Variants in HMBOX1 observed in about 807,000 individuals in gnomAD.
The protein encoded by HMBOX1 is homeobox containing 1.
HMBOX1 carries 14 observed loss-of-function variants against 54.5 expected under a neutral mutation model. That is an observed-to-expected ratio of 0.26 (90% CI 0.17 to 0.40). HMBOX1 has a LOEUF of 0.40. Ranked by LOEUF, HMBOX1 falls within the 10% of genes least tolerant of loss-of-function variation. The pLI is 1.00. For synonymous variants in HMBOX1, 160 were observed against 181.0 expected, an observed-to-expected ratio of 0.88 and a Z score of 0.93; for missense variants, 332 against 514.4, an observed-to-expected ratio of 0.65 and a Z score of 3.43.
At chr8:29,039,063 C>A (rs1400371174) in intron 6 of HMBOX1, among the ~76,000 whole-genome samples, 2 of 152,136 alleles carry the variant, frequency 1.3e-5, no homozygotes, top group African/African-American at 4.8e-5. Context: ...GCTCTTTCTT[C>A]AAGACCCTGC....
chr8:29,004,159 A>T (rs1419681327), intron 4 of HMBOX1, among the ~76,000 whole-genome samples: 1 of 152,242 alleles, frequency 6.6e-6, no homozygotes, highest in South Asian at 2.1e-4. Flanking sequence ...GACTGTGTTG[A>T]GGACCTGTGG....
intron 1 of HMBOX1, among the ~76,000 whole-genome samples, chr8:28,934,585 T>C (rs780898982): frequency 6.6e-6 from 1 of 152,170 alleles, no homozygotes; most frequent in Non-Finnish European, 1.5e-5. Flanking sequence ...TAAAAACTCT[T>C]AGAATTATTA....
chr8:29,006,450 A>G (rs1053653212), intron 4 of HMBOX1, among the ~76,000 whole-genome samples: 2 of 152,166 alleles, frequency 1.3e-5, no homozygotes, highest in Non-Finnish European at 2.9e-5. Context: ...TAGGTCATAG[A>G]GTATATGTAT....
intron 4 of HMBOX1, among the ~76,000 whole-genome samples, chr8:28,981,817 A>T (rs1829381551): frequency 6.6e-6 from 1 of 152,242 alleles, no homozygotes; most frequent in African/African-American, 2.4e-5. Context: ...AACATGATAC[A>T]TTAAATATAG....
At chr8:29,047,733 A>G (rs922226743) in intron 8 of HMBOX1, among the ~76,000 whole-genome samples, 2 of 151,784 alleles carry the variant, frequency 1.3e-5, no homozygotes, top group Non-Finnish European at 2.9e-5. Context: ...ACACCTGGCT[A>G]ATTTTGTATT....
At chr8:28,899,685 T>C (rs1204907402) in intron 1 of HMBOX1, among the ~76,000 whole-genome samples, 2 of 152,230 alleles carry the variant, frequency 1.3e-5, no homozygotes, top group East Asian at 3.8e-4. Flanking sequence ...GAGCTTTTTA[T>C]TCCTATGTCA....
intron 6 of HMBOX1, among the ~76,000 whole-genome samples, chr8:29,042,300 G>C (rs1804951561): frequency 6.6e-6 from 1 of 152,184 alleles, no homozygotes; most frequent in East Asian, 1.9e-4. Context: ...ACCTTGAAGA[G>C]GAGGAGAATG....
intron 6 of HMBOX1, among the ~76,000 whole-genome samples, chr8:29,023,287 A>G (rs1204254601): frequency 6.6e-6 from 1 of 152,230 alleles, no homozygotes; most frequent in Non-Finnish European, 1.5e-5. Flanking sequence ...CTTGATTTAA[A>G]AAAAACAGCC....
chr8:28,976,038 G>T (rs1828297892), intron 3 of HMBOX1, among the ~76,000 whole-genome samples: 1 of 152,114 alleles, frequency 6.6e-6, no homozygotes, highest in Non-Finnish European at 1.5e-5. Flanking sequence ...ATACTTAAGA[G>T]AATTGGACAC....
intron 1 of HMBOX1, among the ~76,000 whole-genome samples, chr8:28,894,128 C>G (rs1412993029): frequency 6.6e-6 from 1 of 152,156 alleles, no homozygotes; most frequent in Non-Finnish European, 1.5e-5. Context: ...AATTTTGTAG[C>G]TCACTTTGCT....
chr8:29,049,171 C>A, intron 9 of HMBOX1, 123 bp downstream of exon 9: 1 of 1,489,380 alleles, frequency 6.7e-7, no homozygotes, highest in Non-Finnish European at 9.2e-7. Context: ...TCCCTCCACT[C>A]TGCTCCTGTG....
At chr8:29,047,510 A>T in intron 8 of HMBOX1, 57 bp downstream of exon 8, 3 of 837,536 alleles carry the variant, frequency 3.6e-6, no homozygotes, top group Non-Finnish European at 6.1e-6. Context: ...CGTCATGTTT[A>T]TATTAAGATT....
chr8:28,984,253 C>T (rs1017011342), intron 4 of HMBOX1, among the ~76,000 whole-genome samples: 6 of 152,180 alleles, frequency 3.9e-5, no homozygotes, highest in South Asian at 4.1e-4. Context: ...TGTGGTTCTC[C>T]TGAATCTTAC....
intron 3 of HMBOX1, 120 bp from the exon 4 acceptor site, chr8:28,979,951 C>A: frequency 2.7e-6 from 2 of 735,708 alleles, no homozygotes; most frequent in Admixed American, 2.0e-5. Flanking sequence ...GGTCTGTTTA[C>A]CCTTTATTTT....
At chr8:28,932,665 C>T (rs1459061281) in intron 1 of HMBOX1, among the ~76,000 whole-genome samples, 1 of 152,186 alleles carries the variant, frequency 6.6e-6, no homozygotes, top group Non-Finnish European at 1.5e-5. Context: ...GACTGACTAA[C>T]CACTTCAAAA....
intron 6 of HMBOX1, among the ~76,000 whole-genome samples, chr8:29,032,213 T>C (rs1803091989): frequency 6.6e-6 from 1 of 150,990 alleles, no homozygotes; most frequent in African/African-American, 2.4e-5. Context: ...GTGCCACTTT[T>C]CTCCCAGATA....
chr8:29,021,859 C>CAA (rs36163977), intron 6 of HMBOX1, among the ~76,000 whole-genome samples: 4,644 of 102,874 alleles, frequency 0.045, 133 homozygotes, highest in Middle Eastern at 0.099. Context: ...GACTCCGTCT[C>CAA]AAAAAAAAAA....
At chr8:28,895,344 AG>A (rs1390133196) in intron 1 of HMBOX1, among the ~76,000 whole-genome samples, 1 of 152,208 alleles carries the variant, frequency 6.6e-6, no homozygotes. Context: ...CTGCTGAAAC[AG>A]GGATGACTTA....
intron 2 of HMBOX1, among the ~76,000 whole-genome samples, chr8:28,964,853 T>G (rs1280466817): frequency 6.6e-6 from 1 of 152,094 alleles, no homozygotes; most frequent in Non-Finnish European, 1.5e-5. Flanking sequence ...TCTTTGGGCC[T>G]TAGTTTCCCT....
Sources: gnomAD v4.1 joint callset for allele counts (sites outside exome capture counted in the v4.1 genomes callset) on GRCh38, gnomAD v4.1.1 for gene constraint, MANE v1.5 for transcripts, NCBI Gene and HGNC (gene_info 2026-07-23, HGNC 2026-07-21) for gene names.